Variants in SYN3 observed in about 807,000 individuals in gnomAD.
SYN3 encodes synapsin-3.
Under a neutral mutation model 65.8 loss-of-function variants are expected in SYN3, and 35 were observed. The ratio of observed to expected loss-of-function variants is 0.53; its 90% CI spans 0.41 to 0.70. The LOEUF (loss-of-function observed/expected upper bound fraction) is 0.70. Among genes scored for constraint, SYN3 ranks in the 30% least tolerant of loss-of-function variants. SYN3 has a pLI of 0.00. For missense variants in SYN3, 680 were observed against 749.0 expected (o/e 0.91, Z 1.08); for synonymous variants, 270 against 292.9 (o/e 0.92, Z 0.80).
At chr22:33,014,854 G>C (rs975912921) in intron 1 of SYN3, 2 of 162,044 alleles carry the variant, frequency 1.2e-5, no homozygotes, top group African/African-American at 2.4e-5. Context: ...CGGCGTGCCG[G>C]AAAGTGCGTG....
Position 32,697,924 on chromosome 22 carries a change from G to A in SYN3, c.712-101188C>T, listed in dbSNP as rs138117220. Among the ~76,000 whole-genome samples, 381 of 152,254 alleles carry A rather than the reference G, an allele frequency of 2.5e-3. No individual in the cohort carries two copies. In the Middle Eastern group the frequency reaches 0.027, roughly 11 times the overall value. On this transcript the variant is annotated intron_variant, in intron 6 of 13. Transcript: ENST00000358763. ...GAGAGCATGCCTGAGCTAGCCTGCTGGAGCAAGAGAGATGCACGGAGCAGA... is the reference window on the plus strand; with the variant it reads ...GAGAGCATGCCTGAGCTAGCCTGCTAGAGCAAGAGAGATGCACGGAGCAGA...
chr22:32,931,206 G>A lies in SYN3; in HGVS notation c.461+184C>T, dbSNP rs554033852. 63 of 548,302 alleles carry A rather than the reference G, an allele frequency of 1.1e-4. 1 individual carries two copies. In the South Asian group the frequency reaches 1.2e-3, roughly 11 times the overall value. The allele number at this position is 548,302 out of a possible 1,614,324, so 34.0% of individuals were successfully genotyped here. Reference sequence around the variant, plus strand: ...GGGCTCACTTGGGGACACCACAGGTGCTGCACGTATGATATGTGCCGCTGG... The same window carrying A: ...GGGCTCACTTGGGGACACCACAGGTACTGCACGTATGATATGTGCCGCTGG... On this transcript the variant is annotated intron_variant, in intron 4 of 13. Transcript: ENST00000358763.
At chr22:32,688,960 C>T (rs112318425) in intron 6 of SYN3, among the ~76,000 whole-genome samples, 2,955 of 152,240 alleles carry the variant, frequency 0.019, 100 homozygotes, top group African/African-American at 0.067. Context: ...CTTGGGCAAC[C>T]GACCTAAGAC....
At chr22:32,990,485 C>T (rs1244532660) in intron 2 of SYN3, among the ~76,000 whole-genome samples, 3 of 152,236 alleles carry the variant, frequency 2.0e-5, no homozygotes, top group Non-Finnish European at 2.9e-5. Context: ...TCTACCCATC[C>T]ATCCACACAT....
intron 12 of SYN3, among the ~76,000 whole-genome samples, chr22:32,523,095 A>G (rs1213091163): frequency 1.3e-5 from 2 of 152,196 alleles, no homozygotes; most frequent in Non-Finnish European, 2.9e-5. Context: ...ACATTTGACA[A>G]TTGTCACAAA....
intron 3 of SYN3, among the ~76,000 whole-genome samples, chr22:32,953,991 C>T (rs777484444): frequency 2.0e-5 from 3 of 152,070 alleles, no homozygotes; most frequent in African/African-American, 7.2e-5. Context: ...TTGCTAGGAT[C>T]GAGGTGGGGT....
At chr22:32,662,482 T>C (rs1192004422) in intron 6 of SYN3, among the ~76,000 whole-genome samples, 1 of 152,178 alleles carries the variant, frequency 6.6e-6, no homozygotes, top group Non-Finnish European at 1.5e-5. Context: ...ATGGGACCAA[T>C]ATAGTCAGTG....
chr22:32,657,182 G>A (rs2146980743), intron 6 of SYN3, among the ~76,000 whole-genome samples: 1 of 151,766 alleles, frequency 6.6e-6, no homozygotes, highest in Non-Finnish European at 1.5e-5. Flanking sequence ...GGAGTGCAGT[G>A]GCGCGATCTT....
intron 13 of SYN3, among the ~76,000 whole-genome samples, chr22:32,516,136 T>A (rs988837566): frequency 6.6e-6 from 1 of 151,998 alleles, no homozygotes; most frequent in African/African-American, 2.4e-5. Context: ...GTGAGCAGAA[T>A]GGTGTTGATA....
At chr22:32,784,654 CA>C (rs2046148387) in intron 6 of SYN3, among the ~76,000 whole-genome samples, 1 of 152,184 alleles carries the variant, frequency 6.6e-6, no homozygotes, top group Non-Finnish European at 1.5e-5. Flanking sequence ...GAGTGTATGG[CA>C]ACATTGTCAT....
At chr22:32,537,155 A>T (rs926394953) in intron 9 of SYN3, among the ~76,000 whole-genome samples, 2 of 148,538 alleles carry the variant, frequency 1.3e-5, no homozygotes, top group African/African-American at 2.5e-5. Flanking sequence ...TGGCCCTTCG[A>T]CCCTTCCCCC....
At chr22:32,948,310 C>T (rs772155091) in intron 3 of SYN3, among the ~76,000 whole-genome samples, 10 of 152,094 alleles carry the variant, frequency 6.6e-5, no homozygotes, top group Non-Finnish European at 1.5e-4. Flanking sequence ...GACACTGTAG[C>T]GGGCTACTAG....
intron 7 of SYN3, among the ~76,000 whole-genome samples, chr22:32,581,476 A>G (rs1236847128): frequency 6.6e-6 from 1 of 152,190 alleles, no homozygotes; most frequent in Non-Finnish European, 1.5e-5. Context: ...CCAAGGTTAT[A>G]TAATTAGGAA....
intron 6 of SYN3, among the ~76,000 whole-genome samples, chr22:32,804,470 C>T (rs991746522): frequency 6.6e-6 from 1 of 152,182 alleles, no homozygotes; most frequent in African/African-American, 2.4e-5. Flanking sequence ...CTTTGTAGCC[C>T]CCTAAAGGTG....
chr22:33,003,811 A>G (rs1464673905), intron 2 of SYN3, among the ~76,000 whole-genome samples: 1 of 152,254 alleles, frequency 6.6e-6, no homozygotes, highest in African/African-American at 2.4e-5. Flanking sequence ...AGGGCATGTC[A>G]GAGACCTTGG....
chr22:32,576,594 C>T (rs1447453925), intron 7 of SYN3, among the ~76,000 whole-genome samples: 1 of 152,138 alleles, frequency 6.6e-6, no homozygotes, highest in African/African-American at 2.4e-5. Context: ...CTTGATTGTA[C>T]ACTTCAGTAA....
intron 1 of SYN3, among the ~76,000 whole-genome samples, chr22:33,049,350 C>T (rs1465764549): frequency 6.6e-6 from 1 of 152,222 alleles, no homozygotes; most frequent in Non-Finnish European, 1.5e-5. Context: ...CACGTTCTTC[C>T]TCTATCTGCT....
At chr22:32,699,101 G>C (rs1386822812) in intron 6 of SYN3, among the ~76,000 whole-genome samples, 3 of 152,236 alleles carry the variant, frequency 2.0e-5, no homozygotes, top group Non-Finnish European at 4.4e-5. Flanking sequence ...GCTTCCCACA[G>C]AGCTTGGCCC....
intron 4 of SYN3, among the ~76,000 whole-genome samples, chr22:32,881,213 C>G (rs137503): frequency 0.56 from 85,297 of 151,984 alleles, 24,680 homozygotes; most frequent in African/African-American, 0.64. Context: ...GATGCTGGGG[C>G]AGTGGAGTGG....
Sources: gnomAD v4.1 joint callset for allele counts (sites outside exome capture counted in the v4.1 genomes callset) on GRCh38, gnomAD v4.1.1 for gene constraint, MANE v1.5 for transcripts, NCBI Gene and HGNC (gene_info 2026-07-23, HGNC 2026-07-21) for gene names.